CACNA2D1: variants seen among roughly 807,000 people sequenced by gnomAD.
CACNA2D1 encodes the protein calcium voltage-gated channel auxiliary subunit alpha2delta 1.
CACNA2D1 carries 53 observed loss-of-function variants against 171.5 expected under a neutral mutation model. That is an observed-to-expected ratio of 0.31 (90% CI 0.25 to 0.39). The LOEUF is 0.39. Among genes scored for constraint, CACNA2D1 ranks in the 10% least tolerant of loss-of-function variants. CACNA2D1 has a pLI of 1.00. For synonymous variants in CACNA2D1, 442 were observed against 443.1 expected (o/e 1.00, Z 0.03); for missense variants, 903 against 1,299.8 (o/e 0.69, Z 4.69).
chr7:82,215,144 G>T (rs1309159846), intron 3 of CACNA2D1, among the ~76,000 whole-genome samples: 1 of 152,122 alleles, frequency 6.6e-6, no homozygotes, highest in Admixed American at 6.5e-5. Flanking sequence ...AATGATGAAA[G>T]AAATGAAACT....
At chr7:82,336,542 G>A (rs1250444615) in intron 2 of CACNA2D1, among the ~76,000 whole-genome samples, 1 of 152,090 alleles carries the variant, frequency 6.6e-6, no homozygotes, top group Non-Finnish European at 1.5e-5. Context: ...AAGTACTCAA[G>A]GCACGTTAAT....
At chr7:82,240,665 T>C (rs1804149649) in intron 3 of CACNA2D1, among the ~76,000 whole-genome samples, 1 of 152,148 alleles carries the variant, frequency 6.6e-6, no homozygotes, top group Non-Finnish European at 1.5e-5. Context: ...TATGTTTTAC[T>C]TAAAAGGTAA....
At chr7:82,214,414 G>C (rs77405380) in intron 3 of CACNA2D1, among the ~76,000 whole-genome samples, 12,840 of 151,156 alleles carry the variant, frequency 0.085, 712 homozygotes, top group Non-Finnish European at 0.11. Context: ...AGTTTCCTTC[G>C]GGGAAGGAGC....
At chr7:81,991,969 G>A (rs1215843190) in intron 20 of CACNA2D1, among the ~76,000 whole-genome samples, 1 of 151,248 alleles carries the variant, frequency 6.6e-6, no homozygotes, top group East Asian at 2.0e-4. Flanking sequence ...CCAGTAGCTG[G>A]GACTACAGGG....
At position 81,996,572 on chromosome 7, in the gene CACNA2D1, A is replaced by T. The variant is rs150625282; in HGVS notation, c.1662+607T>A. On this transcript the variant is annotated intron_variant, in intron 19 of 38. Coordinates refer to ENST00000356860, the MANE Select transcript of CACNA2D1 (RefSeq NM_000722.4). Reference sequence around the variant, plus strand: ...CTCAAATGTATCATCAGTACAACAGATATTATAATTTGAAATAAAAATACC... The same window carrying T: ...CTCAAATGTATCATCAGTACAACAGTTATTATAATTTGAAATAAAAATACC... Among the ~76,000 whole-genome samples the T allele has an allele frequency of 5.8e-3, 877 of 151,956 alleles. 12 individuals are homozygous for T. The highest frequency in any genetic ancestry group is 0.02 in the African/African-American group (844 of 41,482).
chr7:82,360,451 T>C (rs574440795), intron 1 of CACNA2D1, among the ~76,000 whole-genome samples: 82 of 152,306 alleles, frequency 5.4e-4, no homozygotes, highest in Non-Finnish European at 9.4e-4. Flanking sequence ...ATCAGTATTT[T>C]CAAATTAAAC....
chr7:82,108,556 T>C (rs1788013106), intron 6 of CACNA2D1, among the ~76,000 whole-genome samples: 1 of 152,174 alleles, frequency 6.6e-6, no homozygotes, highest in African/African-American at 2.4e-5. Flanking sequence ...CAATTTACAA[T>C]ATCTATAAAG....
intron 4 of CACNA2D1, among the ~76,000 whole-genome samples, chr7:82,159,651 G>C (rs1490442207): frequency 2.6e-5 from 4 of 150,990 alleles, no homozygotes; most frequent in South Asian, 2.1e-4. Flanking sequence ...AAGATAAAGG[G>C]GTTCAGAATC....
chr7:82,024,173 GTAGGCT>G (rs1413824962), intron 12 of CACNA2D1, among the ~76,000 whole-genome samples: 2 of 151,538 alleles, frequency 1.3e-5, no homozygotes, highest in East Asian at 3.9e-4. Context: ...GTATCCAGAA[GTAGGCT>G]TTCTGGATGC....
In CACNA2D1 at chr7:82,411,895, TCACA is replaced by T. The variant is rs5885295; in HGVS notation, c.95+31466_95+31469del. On this transcript the variant is annotated intron_variant, in intron 1 of 38. Transcript: ENST00000356860. ...CCTCAAGCCAAACGAAAACTAAATC[TCACA>T]CACACACACACACACACACACACAC... Among the ~76,000 whole-genome samples the T allele has an allele frequency of 3.6e-3, 516 of 144,868 alleles. 3 individuals carry two copies. The highest frequency in any genetic ancestry group is 6.9e-3 in the Middle Eastern group (2 of 290).
intron 5 of CACNA2D1, among the ~76,000 whole-genome samples, chr7:82,132,451 G>C (rs1199135924): frequency 3.3e-5 from 5 of 152,194 alleles, no homozygotes; most frequent in Admixed American, 3.3e-4. Flanking sequence ...AACAAGGCAA[G>C]GCTGGTCACT....
At chr7:82,026,643 G>C (rs1231412230) in intron 12 of CACNA2D1, among the ~76,000 whole-genome samples, 1 of 151,628 alleles carries the variant, frequency 6.6e-6, no homozygotes, top group Non-Finnish European at 1.5e-5. Flanking sequence ...AATTATCTTT[G>C]TTATTAATAT....
chr7:82,216,996 TG>T (rs1424074222), intron 3 of CACNA2D1, among the ~76,000 whole-genome samples: 1 of 152,022 alleles, frequency 6.6e-6, no homozygotes, highest in Admixed American at 6.6e-5. Flanking sequence ...ATTCTTTTTA[TG>T]TCAAACCAGT....
chr7:82,236,560 A>AT (rs1424942639), intron 3 of CACNA2D1, among the ~76,000 whole-genome samples: 1 of 152,100 alleles, frequency 6.6e-6, no homozygotes, highest in East Asian at 1.9e-4. Flanking sequence ...TAAATGTGAC[A>AT]TTCATAATTT....
chr7:82,283,163 A>G, intron 3 of CACNA2D1, among the ~76,000 whole-genome samples: 1 of 152,202 alleles, frequency 6.6e-6, no homozygotes, highest in East Asian at 1.9e-4. Flanking sequence ...ATTAAAAAAA[A>G]AAATTGAAGT....
intron 5 of CACNA2D1, among the ~76,000 whole-genome samples, chr7:82,131,896 G>T (rs1353581410): frequency 1.3e-5 from 2 of 152,094 alleles, no homozygotes; most frequent in South Asian, 2.1e-4. Flanking sequence ...GTAAACAAAA[G>T]ATCCAATTAA....
At chr7:82,019,225 CAGG>C (rs1048164272) in intron 12 of CACNA2D1, among the ~76,000 whole-genome samples, 5 of 152,000 alleles carry the variant, frequency 3.3e-5, no homozygotes, top group Admixed American at 3.3e-4. Flanking sequence ...GAAGCTGAGG[CAGG>C]AGAATTACTT....
At chr7:82,060,184 T>C (rs1182708077) in intron 10 of CACNA2D1, among the ~76,000 whole-genome samples, 1 of 15,470 alleles carries the variant, frequency 6.5e-5, no homozygotes, top group African/African-American at 1.8e-4. Flanking sequence ...ATATAATATA[T>C]ATATATTATA....
Position 82,054,483 on chromosome 7 carries a change from GCACT to G in CACNA2D1, c.879+5941_879+5944del, listed in dbSNP as rs1805572234. Among the ~76,000 whole-genome samples, 3 of 152,158 alleles carry G rather than the reference GCACT, an allele frequency of 2.0e-5. No individual in the cohort carries two copies. The South Asian group carries it at 6.2e-4, about 32-fold the overall frequency. ...ATACTTATTCCCAGAGAAATAAGCT[GCACT>G]CACTCACAGTGGAAACTTGTTTGAA... is the stretch of plus-strand genomic sequence containing the variant. On this transcript the variant is annotated intron_variant, in intron 10 of 38. Transcript: ENST00000356860.
Sources: gnomAD v4.1 joint callset for allele counts (sites outside exome capture counted in the v4.1 genomes callset) on GRCh38, gnomAD v4.1.1 for gene constraint, MANE v1.5 for transcripts, NCBI Gene and HGNC (gene_info 2026-07-23, HGNC 2026-07-21) for gene names.